SMIM31: variants seen among roughly 807,000 people sequenced by gnomAD.
SMIM31 encodes small integral membrane protein 31.
At chr4:164,786,767 T>G (rs1733030921) in intron 2 of SMIM31, among the ~76,000 whole-genome samples, 1 of 152,240 alleles carries the variant, frequency 6.6e-6, no homozygotes, top group East Asian at 1.9e-4. Context: ...TGTCACTGCC[T>G]TGTTTGAACA....
intron 1 of SMIM31, among the ~76,000 whole-genome samples, chr4:164,757,567 T>C (rs73871400): frequency 0.013 from 2,048 of 152,228 alleles, 40 homozygotes; most frequent in African/African-American, 0.045. Flanking sequence ...CATTCAGTTC[T>C]AAGACTATGT....
At chr4:164,783,232 AGG>A (rs1732982393) in intron 2 of SMIM31, among the ~76,000 whole-genome samples, 2 of 127,260 alleles carry the variant, frequency 1.6e-5, no homozygotes, top group Non-Finnish European at 1.6e-5. Context: ...AAAAAAAAAA[AGG>A]AATTTCTGGC....
chr4:164,771,635 A>G (rs1732803779), intron 2 of SMIM31, among the ~76,000 whole-genome samples: 1 of 151,484 alleles, frequency 6.6e-6, no homozygotes, highest in Admixed American at 6.6e-5. Context: ...CCCCGTCTCT[A>G]CTAAAAATAC....
intron 2 of SMIM31, among the ~76,000 whole-genome samples, chr4:164,796,369 T>G (rs1733195261): frequency 6.6e-6 from 1 of 152,182 alleles, no homozygotes; most frequent in East Asian, 1.9e-4. Flanking sequence ...CTACCTCCCC[T>G]ATCAGTCCTT....
intron 1 of SMIM31, among the ~76,000 whole-genome samples, chr4:164,766,938 T>C (rs745371601): frequency 2.6e-5 from 4 of 151,934 alleles, no homozygotes; most frequent in Non-Finnish European, 5.9e-5. Context: ...ACAGAGAAAG[T>C]AGACAATGAG....
chr4:164,800,573 A>G (rs796965954), intron 2 of SMIM31, among the ~76,000 whole-genome samples: 5 of 152,248 alleles, frequency 3.3e-5, no homozygotes, highest in African/African-American at 1.2e-4. Flanking sequence ...GATATCTCAC[A>G]CAGTAGGTCC....
intron 2 of SMIM31, among the ~76,000 whole-genome samples, chr4:164,790,889 A>C (rs1319963493): frequency 1.3e-5 from 2 of 152,190 alleles, no homozygotes; most frequent in East Asian, 3.9e-4. Context: ...TCAAAGAAAA[A>C]TACGTATGGT....
chr4:164,770,144 CAAA>C (rs1732774172), intron 1 of SMIM31, among the ~76,000 whole-genome samples: 1 of 152,090 alleles, frequency 6.6e-6, no homozygotes, highest in African/African-American at 2.4e-5. Flanking sequence ...AGAGTTGTGT[CAAA>C]AAACTCACAA....
intron 2 of SMIM31, among the ~76,000 whole-genome samples, chr4:164,773,464 G>T (rs981370580): frequency 3.3e-5 from 5 of 152,130 alleles, no homozygotes; most frequent in East Asian, 1.9e-4. Context: ...TGGTGGAAGG[G>T]GAAGCAAACA....
At chr4:164,773,961 T>A (rs1009238302) in intron 2 of SMIM31, among the ~76,000 whole-genome samples, 7 of 151,992 alleles carry the variant, frequency 4.6e-5, no homozygotes, top group Non-Finnish European at 1.0e-4. Context: ...GGTCAGGAGA[T>A]CGAGACCATC....
At chr4:164,771,558 T>G (rs1226458959) in intron 2 of SMIM31, among the ~76,000 whole-genome samples, 1 of 151,962 alleles carries the variant, frequency 6.6e-6, no homozygotes, top group Non-Finnish European at 1.5e-5. Flanking sequence ...TCCCAGCACT[T>G]TGGGAGGCCG....
intron 2 of SMIM31, among the ~76,000 whole-genome samples, chr4:164,794,674 G>A (rs1418892562): frequency 3.9e-5 from 6 of 151,930 alleles, no homozygotes; most frequent in East Asian, 1.9e-4. Context: ...GCATGGTGGC[G>A]TGCGCCTGTA....
intron 2 of SMIM31, among the ~76,000 whole-genome samples, chr4:164,794,113 A>C (rs1733143923): frequency 6.6e-6 from 1 of 152,222 alleles, no homozygotes; most frequent in South Asian, 2.1e-4. Flanking sequence ...ACAGTGGCTC[A>C]CGTCTGTAAC....
chr4:164,780,828 TAA>T (rs1223629358), intron 2 of SMIM31, among the ~76,000 whole-genome samples: 1 of 152,156 alleles, frequency 6.6e-6, no homozygotes, highest in African/African-American at 2.4e-5. Context: ...TTATTTTTCT[TAA>T]AGACAGTGAC....
chr4:164,771,089 ATT>A (rs1168575354), intron 2 of SMIM31, among the ~76,000 whole-genome samples: 6 of 152,224 alleles, frequency 3.9e-5, no homozygotes, highest in African/African-American at 1.4e-4. Flanking sequence ...AGCAAATTGC[ATT>A]TGTGCTTCCT....
intron 1 of SMIM31, among the ~76,000 whole-genome samples, chr4:164,768,328 G>T (rs1732747855): frequency 6.6e-6 from 1 of 150,764 alleles, no homozygotes; most frequent in South Asian, 2.1e-4. Flanking sequence ...TACTCAGGAA[G>T]CTGAGGCAGA....
chr4:164,770,867 G>A (rs10857373), intron 2 of SMIM31, among the ~76,000 whole-genome samples: 91,598 of 151,930 alleles, frequency 0.6, 27,886 homozygotes, highest in African/African-American at 0.65. Flanking sequence ...TAAGAGAAGT[G>A]TATAATTTAA....
chr4:164,778,463 T>C (rs1436893069), intron 2 of SMIM31, among the ~76,000 whole-genome samples: 1 of 152,228 alleles, frequency 6.6e-6, no homozygotes, highest in Non-Finnish European at 1.5e-5. Flanking sequence ...TAGGGAGTTA[T>C]ATGTGATGAC....
intron 2 of SMIM31, among the ~76,000 whole-genome samples, chr4:164,800,404 C>T (rs765171072): frequency 6.6e-6 from 1 of 151,990 alleles, no homozygotes; most frequent in Non-Finnish European, 1.5e-5. Context: ...GATGGGATTT[C>T]GCCCTGTTGG....
Sources: gnomAD v4.1 joint callset for allele counts (sites outside exome capture counted in the v4.1 genomes callset) on GRCh38, gnomAD v4.1.1 for gene constraint, MANE v1.5 for transcripts, NCBI Gene and HGNC (gene_info 2026-07-23, HGNC 2026-07-21) for gene names.